DNAH6: variants seen among roughly 807,000 people sequenced by gnomAD.
DNAH6 encodes the protein axonemal beta dynein heavy chain 6.
A neutral mutation model predicts 491.4 loss-of-function variants in DNAH6; 340 were observed. That is an observed-to-expected ratio of 0.69 (90% CI 0.63 to 0.76). The LOEUF (loss-of-function observed/expected upper bound fraction) is 0.76, where lower values mean the gene tolerates loss of function less well. Among genes scored for constraint, DNAH6 ranks in the 30% least tolerant of loss-of-function variants. DNAH6 has a pLI of 0.00. For missense variants in DNAH6, 4,443 were observed against 4,972.2 expected (o/e 0.89, Z 3.20); for synonymous variants, 1,603 against 1,686.1 (o/e 0.95, Z 1.21).
At chr2:84,751,431 ACT>A (rs1259198881) in intron 63 of DNAH6, among the ~76,000 whole-genome samples, 1 of 151,836 alleles carries the variant, frequency 6.6e-6, no homozygotes, top group Non-Finnish European at 1.5e-5. Context: ...TCTGTGGGAA[ACT>A]CTAGTTTTAC....
intron 61 of DNAH6, among the ~76,000 whole-genome samples, chr2:84,730,580 C>T (rs1193118136): frequency 2.0e-5 from 3 of 152,056 alleles, no homozygotes; most frequent in Middle Eastern, 3.2e-3. Context: ...AAAAAAATCT[C>T]ATAATGTTTT....
At chr2:84,633,751 T>C (rs1438681757) in intron 29 of DNAH6, among the ~76,000 whole-genome samples, 1 of 151,832 alleles carries the variant, frequency 6.6e-6, no homozygotes, top group Non-Finnish European at 1.5e-5. Flanking sequence ...TATGTTTTTA[T>C]CAAGCAGGTA....
the DNAH6 span, among the ~76,000 whole-genome samples, chr2:84,505,887 A>T: frequency 2.6e-5 from 4 of 152,096 alleles, no homozygotes; most frequent in African/African-American, 9.7e-5. Flanking sequence ...AGGACATGAA[A>T]TCATCATCTT....
At position 84,553,875 on chromosome 2, in the gene DNAH6, T is replaced by C. The variant is rs115808384; in HGVS notation, c.1602+841T>C. On this transcript the variant is annotated intron_variant, in intron 10 of 76. Coordinates refer to ENST00000389394, the MANE Select transcript of DNAH6 (RefSeq NM_001370.2). ...TAACAAGTTACCACAAAGTTAGCAGTTGGAAACATCCTCCATGAATCATCT... is the reference window on the plus strand; with the variant it reads ...TAACAAGTTACCACAAAGTTAGCAGCTGGAAACATCCTCCATGAATCATCT... 6.7e-3 allele frequency among the ~76,000 whole-genome samples: 1,027 copies of C among 152,246 alleles called. 17 individuals carry two copies. Among genetic ancestry groups the C allele is most frequent in the African/African-American group, 0.024 (983 of 41,546 alleles).
intron 29 of DNAH6, among the ~76,000 whole-genome samples, chr2:84,630,081 A>C (rs1688262339): frequency 6.6e-6 from 1 of 152,236 alleles, no homozygotes; most frequent in Non-Finnish European, 1.5e-5. Context: ...AAGAAAAAGA[A>C]TTAAGTATTT....
chr2:84,602,264 A>T (rs1685320444), intron 18 of DNAH6, among the ~76,000 whole-genome samples: 1 of 152,024 alleles, frequency 6.6e-6, no homozygotes, highest in Non-Finnish European at 1.5e-5. Context: ...CTTATAGAGT[A>T]TGTATGCTAA....
intron 75 of DNAH6, among the ~76,000 whole-genome samples, chr2:84,814,881 G>A (rs1419264039): frequency 6.6e-6 from 1 of 152,236 alleles, no homozygotes; most frequent in Non-Finnish European, 1.5e-5. Flanking sequence ...CAGACCAGGA[G>A]ACAGGCCAGT....
chr2:84,539,609 G>T (rs995863934), intron 4 of DNAH6, among the ~76,000 whole-genome samples: 15 of 152,044 alleles, frequency 9.9e-5, no homozygotes, highest in Non-Finnish European at 2.2e-4. Context: ...AGCCCTAAAA[G>T]ACTTGCTAAA....
chr2:84,485,205 C>T, the DNAH6 span, among the ~76,000 whole-genome samples: 76 of 152,122 alleles, frequency 5.0e-4, no homozygotes, highest in South Asian at 0.011. Context: ...CAATGTTATC[C>T]GATGGGGGGT....
At chr2:84,715,658 G>C (rs760595268) in intron 58 of DNAH6, 31 bp downstream of exon 58, 25 of 1,530,416 alleles carry the variant, frequency 1.6e-5, no homozygotes, top group Non-Finnish European at 2.2e-5. Context: ...GGGGAGGGAA[G>C]GGGGTATTGT....
chr2:84,637,835 A>C, intron 31 of DNAH6, among the ~76,000 whole-genome samples: 1 of 152,236 alleles, frequency 6.6e-6, no homozygotes, highest in East Asian at 1.9e-4. Flanking sequence ...AGTAATCATT[A>C]ACAAATTATT....
intron 41 of DNAH6, among the ~76,000 whole-genome samples, chr2:84,678,428 T>C (rs548349309): frequency 6.6e-6 from 1 of 152,324 alleles, no homozygotes; most frequent in East Asian, 1.9e-4. Flanking sequence ...ACACCACAGA[T>C]ACACTGTGAT....
chr2:84,490,976 A>G, the DNAH6 span, among the ~76,000 whole-genome samples: 1 of 152,234 alleles, frequency 6.6e-6, no homozygotes, highest in Non-Finnish European at 1.5e-5. Context: ...TGTATAGTGC[A>G]TTGGGTAAAT....
At chr2:84,801,490 T>C (rs1678906684) in intron 70 of DNAH6, among the ~76,000 whole-genome samples, 1 of 152,058 alleles carries the variant, frequency 6.6e-6, no homozygotes, top group Admixed American at 6.6e-5. Flanking sequence ...AAGGGCTATA[T>C]TACCTATAAG....
intron 12 of DNAH6, among the ~76,000 whole-genome samples, chr2:84,574,745 C>T (rs188478798): frequency 2.0e-5 from 3 of 152,292 alleles, no homozygotes; most frequent in African/African-American, 7.2e-5. Context: ...CATGGCATCA[C>T]AGTGGCAGCA....
the DNAH6 span, among the ~76,000 whole-genome samples, chr2:84,473,801 A>G: frequency 5.4e-4 from 82 of 152,332 alleles, no homozygotes; most frequent in Middle Eastern, 6.8e-3. Context: ...ATCGGGGGCT[A>G]TAATTAACCC....
chr2:84,488,907 T>C, the DNAH6 span, among the ~76,000 whole-genome samples: 1 of 152,086 alleles, frequency 6.6e-6, no homozygotes, highest in Non-Finnish European at 1.5e-5. Context: ...TAGGTATAGA[T>C]TGGAGGTGGG....
the DNAH6 span, among the ~76,000 whole-genome samples, chr2:84,501,290 T>C: frequency 6.6e-6 from 1 of 152,164 alleles, no homozygotes; most frequent in Non-Finnish European, 1.5e-5. Flanking sequence ...GATCATATGG[T>C]TGTGTCCTTT....
In DNAH6 at chr2:84,781,659, T is replaced by C. The variant is rs1410250641; in HGVS notation, c.10864+6T>C. On this transcript the variant is annotated splice_donor_region_variant and intron_variant, in intron 65 of 76. Transcript: ENST00000389394. ...TAAAACCTTCACAGATCCAGGTATG[T>C]TGAGCATATAGCCCTTGCATAATAA... 5 of 1,550,586 alleles carry C rather than the reference T, an allele frequency of 3.2e-6. No homozygotes were observed. The highest frequency in any genetic ancestry group is 1.7e-4 in the Middle Eastern group (1 of 6,008).
Sources: allele counts gnomAD v4.1 joint callset (sites outside exome capture counted in the v4.1 genomes callset), GRCh38; gene constraint gnomAD v4.1.1; transcripts MANE v1.5; gene names NCBI Gene and HGNC (gene_info 2026-07-23, HGNC 2026-07-21).